Variants in CENPW observed in about 807,000 individuals in gnomAD.
CENPW encodes the protein cancer-up-regulated gene 2 protein.
A neutral mutation model predicts 11.1 loss-of-function variants in CENPW; 3 were observed. The observed-to-expected ratio is 0.27, with a 90% confidence interval of 0.12 to 0.70. The LOEUF (loss-of-function observed/expected upper bound fraction) is 0.70, where lower values mean the gene tolerates loss of function less well. Ranked by LOEUF, CENPW falls within the 30% of genes least tolerant of loss-of-function variation. CENPW has a pLI of 0.77. For synonymous variants in CENPW, 38 were observed against 42.0 expected (o/e 0.91, Z 0.37); for missense variants, 100 against 105.6 (o/e 0.95, Z 0.23).
the CENPW span, among the ~76,000 whole-genome samples, chr6:126,467,635 T>C: frequency 2.2e-4 from 34 of 151,874 alleles, no homozygotes; most frequent in African/African-American, 7.7e-4. Flanking sequence ...AATGATTGAA[T>C]AAATAAATAA....
chr6:126,461,242 C>A, the CENPW span, among the ~76,000 whole-genome samples: 1 of 150,858 alleles, frequency 6.6e-6, no homozygotes, highest in Non-Finnish European at 1.5e-5. Context: ...TCCGATTGTT[C>A]TAAAAATGGG....
the CENPW span, among the ~76,000 whole-genome samples, chr6:126,422,471 G>T: frequency 6.6e-6 from 1 of 152,002 alleles, no homozygotes; most frequent in Non-Finnish European, 1.5e-5. Flanking sequence ...CTCACGTGGC[G>T]TTTTCATTAT....
the CENPW span, among the ~76,000 whole-genome samples, chr6:126,461,988 C>A: frequency 6.6e-6 from 1 of 151,834 alleles, no homozygotes; most frequent in South Asian, 2.1e-4. Flanking sequence ...CAGTAAATTA[C>A]TTCTCACTAA....
At chr6:126,409,471 G>A in the CENPW span, among the ~76,000 whole-genome samples, 1 of 152,036 alleles carries the variant, frequency 6.6e-6, no homozygotes, top group Non-Finnish European at 1.5e-5. Flanking sequence ...TTTCATTGTG[G>A]ATTTTGTTTC....
the CENPW span, among the ~76,000 whole-genome samples, chr6:126,385,897 A>G: frequency 6.6e-6 from 1 of 152,138 alleles, no homozygotes; most frequent in Admixed American, 6.6e-5. Flanking sequence ...TTATAGCAAT[A>G]TGAAAACAGA....
the CENPW span, among the ~76,000 whole-genome samples, chr6:126,437,138 A>G: frequency 6.6e-6 from 1 of 151,900 alleles, no homozygotes; most frequent in Admixed American, 6.6e-5. Flanking sequence ...GTCTGTAGAC[A>G]GTAATTTTTA....
chr6:126,395,832 C>A, the CENPW span, among the ~76,000 whole-genome samples: 1 of 152,170 alleles, frequency 6.6e-6, no homozygotes, highest in African/African-American at 2.4e-5. Flanking sequence ...TGGAAGAATT[C>A]TCTGGCTTAT....
chr6:126,346,405 A>G, intron 2 of CENPW, 87 bp downstream of exon 2: 1 of 648,534 alleles, frequency 1.5e-6, no homozygotes, highest in Non-Finnish European at 2.6e-6. Flanking sequence ...TGTATACCTT[A>G]CTCAGCTTTG....
chr6:126,436,641 G>A, the CENPW span, among the ~76,000 whole-genome samples: 1 of 151,668 alleles, frequency 6.6e-6, no homozygotes, highest in Admixed American at 6.6e-5. Flanking sequence ...AAATATTTTA[G>A]ATCAATGACC....
the CENPW span, among the ~76,000 whole-genome samples, chr6:126,432,455 A>G: frequency 6.6e-6 from 1 of 152,142 alleles, no homozygotes; most frequent in Non-Finnish European, 1.5e-5. Context: ...AATTGGCTTG[A>G]ACCTCAATAT....
the CENPW span, among the ~76,000 whole-genome samples, chr6:126,414,646 A>G: frequency 3.3e-5 from 5 of 152,130 alleles, no homozygotes; most frequent in Non-Finnish European, 7.4e-5. Flanking sequence ...GTTGAAGTTT[A>G]TAGCAATAAG....
chr6:126,403,588 G>C, the CENPW span, among the ~76,000 whole-genome samples: 1 of 152,060 alleles, frequency 6.6e-6, no homozygotes, highest in Non-Finnish European at 1.5e-5. Context: ...TAGAGGAAAA[G>C]TTTGAAGACT....
chr6:126,408,775 A>G, the CENPW span, among the ~76,000 whole-genome samples: 1 of 152,016 alleles, frequency 6.6e-6, no homozygotes, highest in African/African-American at 2.4e-5. Context: ...ATGGTTATTC[A>G]TAGCCATCTC....
At chr6:126,413,804 G>T in the CENPW span, among the ~76,000 whole-genome samples, 1 of 151,938 alleles carries the variant, frequency 6.6e-6, no homozygotes, top group African/African-American at 2.4e-5. Context: ...GATGATAAGA[G>T]TAATTGCTCA....
At chr6:126,371,176 G>A in the CENPW span, among the ~76,000 whole-genome samples, 6 of 152,068 alleles carry the variant, frequency 3.9e-5, no homozygotes, top group Admixed American at 3.9e-4. Flanking sequence ...CACTTCTCAG[G>A]GGACATGCTT....
chr6:126,420,484 T>A, the CENPW span, among the ~76,000 whole-genome samples: 1 of 152,080 alleles, frequency 6.6e-6, no homozygotes, highest in Non-Finnish European at 1.5e-5. Flanking sequence ...GAAATTGAAG[T>A]TGGTATTAGT....
At chr6:126,390,289 A>G in the CENPW span, among the ~76,000 whole-genome samples, 2 of 151,802 alleles carry the variant, frequency 1.3e-5, no homozygotes, top group South Asian at 4.1e-4. Flanking sequence ...CATTATCCAC[A>G]TTGCAACTAA....
chr6:126,407,087 A>G, the CENPW span, among the ~76,000 whole-genome samples: 2 of 151,984 alleles, frequency 1.3e-5, no homozygotes, highest in Non-Finnish European at 1.5e-5. Flanking sequence ...TGCTATACCC[A>G]TCACCTCCCC....
At chr6:126,435,145 G>A in the CENPW span, among the ~76,000 whole-genome samples, 4 of 151,904 alleles carry the variant, frequency 2.6e-5, no homozygotes, top group African/African-American at 4.8e-5. Context: ...AGTAGGTAAA[G>A]CATCCACTTC....
Sources: allele counts gnomAD v4.1 joint callset (sites outside exome capture counted in the v4.1 genomes callset), GRCh38; gene constraint gnomAD v4.1.1; transcripts MANE v1.5; gene names NCBI Gene and HGNC (gene_info 2026-07-23, HGNC 2026-07-21).